Variants in KIF5C observed in about 807,000 individuals in gnomAD.
KIF5C encodes the protein kinesin heavy chain isoform 5C.
KIF5C carries 18 observed loss-of-function variants against 125.2 expected under a neutral mutation model. The ratio of observed to expected loss-of-function variants is 0.14; its 90% CI spans 0.10 to 0.21. The LOEUF is 0.21. KIF5C is among the 10% of genes least tolerant of loss of function. The probability of loss-of-function intolerance (pLI) is 1.00; values close to 1 mark genes in which losing one functional copy is unlikely to be tolerated. For missense variants in KIF5C, 780 were observed against 1,183.8 expected, an observed-to-expected ratio of 0.66 and a Z score of 5.01; for synonymous variants, 405 against 434.0, an observed-to-expected ratio of 0.93 and a Z score of 0.83.
chr2:148,926,565 C>T (rs1333530210), intron 2 of KIF5C, among the ~76,000 whole-genome samples: 1 of 152,160 alleles, frequency 6.6e-6, no homozygotes, highest in East Asian at 1.9e-4. Context: ...CAGTGCGGAG[C>T]GCGGCCTGGC....
intron 11 of KIF5C, among the ~76,000 whole-genome samples, chr2:148,971,041 G>T (rs1027245569): frequency 6.6e-6 from 1 of 152,140 alleles, no homozygotes; most frequent in African/African-American, 2.4e-5. Flanking sequence ...GTACTGGATT[G>T]CCCTGTTCCC....
intron 1 of KIF5C, among the ~76,000 whole-genome samples, chr2:148,898,631 G>T (rs1042458502): frequency 1.3e-5 from 2 of 152,128 alleles, no homozygotes; most frequent in Non-Finnish European, 2.9e-5. Flanking sequence ...GGGGTCATGC[G>T]AGCCAAGGAA....
chr2:148,912,992 G>A (rs1681401560), intron 1 of KIF5C, among the ~76,000 whole-genome samples: 2 of 152,232 alleles, frequency 1.3e-5, no homozygotes, highest in Non-Finnish European at 2.9e-5. Flanking sequence ...TTGAATGGGA[G>A]TGGCATGTTA....
intron 10 of KIF5C, among the ~76,000 whole-genome samples, chr2:148,954,071 A>G (rs1682734895): frequency 8.7e-6 from 1 of 115,062 alleles, no homozygotes; most frequent in Non-Finnish European, 1.6e-5. Flanking sequence ...TGATCCATCC[A>G]TGTGTTCTCA....
At chr2:148,904,677 T>C (rs1681034931) in intron 1 of KIF5C, among the ~76,000 whole-genome samples, 1 of 152,192 alleles carries the variant, frequency 6.6e-6, no homozygotes, top group Non-Finnish European at 1.5e-5. Flanking sequence ...TTCTAGTTTA[T>C]GTCTGTAATC....
chr2:148,902,542 C>T (rs765750088), intron 1 of KIF5C, among the ~76,000 whole-genome samples: 13 of 152,154 alleles, frequency 8.5e-5, no homozygotes, highest in Non-Finnish European at 1.6e-4. Flanking sequence ...ATCTCAAACT[C>T]CTGACCTCAA....
rs555371221 is a variant in KIF5C, at chr2:148,895,313, T to C, written c.126+19570T>C. 5.3e-5 allele frequency among the ~76,000 whole-genome samples: 8 copies of C among 152,178 alleles called. No homozygotes were observed. The East Asian group carries it at 1.2e-3, about 22-fold the overall frequency. On this transcript the variant is annotated intron_variant, in intron 1 of 25. Coordinates refer to ENST00000435030, the MANE Select transcript of KIF5C (RefSeq NM_004522.3). The stretch of plus-strand genomic sequence containing the variant: ...CCACCACGCCCGGCTAATTTTTGTA[T>C]TTTTAGTAGAAATGGGGTTTCACCA...
chr2:148,880,076 C>A (rs1200845012), intron 1 of KIF5C, among the ~76,000 whole-genome samples: 1 of 152,112 alleles, frequency 6.6e-6, no homozygotes, highest in Admixed American at 6.5e-5. Context: ...TCTTCCAAAG[C>A]AATAACATTA....
intron 12 of KIF5C, among the ~76,000 whole-genome samples, chr2:148,975,109 C>T (rs1006517490): frequency 5.9e-5 from 9 of 152,194 alleles, no homozygotes; most frequent in Admixed American, 2.6e-4. Context: ...TTTGAAGATT[C>T]TGTAAGGCCC....
Position 148,933,910 on chromosome 2 carries a change from A to G in KIF5C, c.292-3374A>G, listed in dbSNP as rs1035196095. Among the ~76,000 whole-genome samples, 191 of 150,372 alleles carry G rather than the reference A, an allele frequency of 1.3e-3. 1 individual carries two copies. The highest frequency in any genetic ancestry group is 0.011 in the Middle Eastern group (3 of 282). ...ACACACAATATATCACACTCCTTAA[A>G]TACATCATACACACACACAAACATG... On this transcript the variant is annotated intron_variant, in intron 3 of 25. Transcript: ENST00000435030.
At chr2:149,009,688 G>A (rs1469422896) in intron 23 of KIF5C, among the ~76,000 whole-genome samples, 2 of 152,200 alleles carry the variant, frequency 1.3e-5, no homozygotes, top group Admixed American at 1.3e-4. Context: ...TAAACAGCAG[G>A]TTCTGCATGG....
At chr2:148,942,858 G>A in intron 7 of KIF5C, 98 bp downstream of exon 7, 1 of 1,538,968 alleles carries the variant, frequency 6.5e-7, no homozygotes, top group East Asian at 2.5e-5. Flanking sequence ...ATGAAAGAAT[G>A]CATGGGAAGG....
At chr2:148,934,406 A>C (rs1030284403) in intron 3 of KIF5C, among the ~76,000 whole-genome samples, 2 of 150,712 alleles carry the variant, frequency 1.3e-5, no homozygotes, top group Non-Finnish European at 3.0e-5. Flanking sequence ...ACACACACAG[A>C]CATACCATAT....
At chr2:148,979,975 T>C (rs1429280850) in intron 13 of KIF5C, among the ~76,000 whole-genome samples, 2 of 152,218 alleles carry the variant, frequency 1.3e-5, no homozygotes, top group Non-Finnish European at 1.5e-5. Flanking sequence ...AGTGTTGTTT[T>C]CTTTTGTGCT....
At chr2:148,923,848 G>T (rs1461008643) in intron 2 of KIF5C, among the ~76,000 whole-genome samples, 1 of 152,198 alleles carries the variant, frequency 6.6e-6, no homozygotes, top group Admixed American at 6.5e-5. Flanking sequence ...CACTAAAGAA[G>T]TTTGGGCCTC....
In KIF5C at chr2:148,936,475, T is replaced by C. The variant is rs184074738; in HGVS notation, c.292-809T>C. On this transcript the variant is annotated intron_variant, in intron 3 of 25. Transcript: ENST00000435030. ...GCTTGTGTGTTGCTTTCAATACTTC[T>C]GGAAGTCTTCATTAGGAGTTGCTGT... is the stretch of plus-strand genomic sequence containing the variant. 4.3e-3 allele frequency among the ~76,000 whole-genome samples: 656 copies of C among 152,330 alleles called. 5 individuals are homozygous for C. The highest frequency in any genetic ancestry group is 7.2e-3 in the Non-Finnish European group (489 of 68,034).
rs767595087 is a variant in KIF5C at position 149,010,230 on chromosome 2, G to C, written c.2646G>C (p.Ala882=). ...AGCGCGTCAAGGCTCTGGAGAGCGC[G>C]CTGAAGGAGGCCAAGGAGAACGCCA... ...TAERVKALES[A]LKEAKENAMR... The change falls in exon 24 of 26, where the codon GCG becomes GCC. Residue 882 remains alanine (A), a synonymous_variant. Coordinates refer to ENST00000435030, the MANE Select transcript of KIF5C (RefSeq NM_004522.3). 1.3e-6 allele frequency: 2 copies of C among 1,574,164 alleles called. No individual in the cohort carries two copies. Among genetic ancestry groups the C allele is most frequent in the African/African-American group, 2.7e-5 (2 of 73,808 alleles).
intron 19 of KIF5C, chr2:148,998,776 C>T (rs1479558681): frequency 8.3e-6 from 3 of 362,322 alleles, no homozygotes; most frequent in Non-Finnish European, 1.5e-5. Flanking sequence ...TAGGTGATTC[C>T]GCTGGATGGA....
At chr2:148,904,216 C>G (rs1471183729) in intron 1 of KIF5C, among the ~76,000 whole-genome samples, 1 of 152,214 alleles carries the variant, frequency 6.6e-6, no homozygotes, top group Non-Finnish European at 1.5e-5. Flanking sequence ...TTAAGAGCAG[C>G]AGGCTATTAT....
Sources: allele counts gnomAD v4.1 joint callset (sites outside exome capture counted in the v4.1 genomes callset), GRCh38; gene constraint gnomAD v4.1.1; transcripts MANE v1.5; gene names NCBI Gene and HGNC (gene_info 2026-07-23, HGNC 2026-07-21).